The following SRF variants were observed in gnomAD, a reference collection of about 807,000 sequenced individuals.
The protein encoded by SRF is c-fos serum response element-binding transcription factor.
SRF carries 7 observed loss-of-function variants against 37.1 expected under a neutral mutation model. That is an observed-to-expected ratio of 0.19 (90% CI 0.11 to 0.35). The LOEUF is 0.35. SRF is among the 10% of genes least tolerant of loss of function. The probability of loss-of-function intolerance (pLI) is 1.00; values close to 1 mark genes in which losing one functional copy is unlikely to be tolerated. For synonymous variants in SRF, 285 were observed against 310.1 expected (o/e 0.92, Z 0.85); for missense variants, 395 against 694.4 (o/e 0.57, Z 4.85).
In SRF at chr6:43,172,365, C is replaced by A; in HGVS notation, c.513+196C>A. The A allele has an allele frequency of 1.0e-6, 1 of 985,200 alleles. No homozygotes were observed. Among genetic ancestry groups the A allele is most frequent in the Middle Eastern group, 5.2e-4 (1 of 1,914 alleles). The allele number at this position is 985,200 out of a possible 1,614,324, so 61.0% of individuals were successfully genotyped here. A position where few individuals can be genotyped will look rare whatever the true frequency, so the allele number is the denominator to read the frequency against. On this transcript the variant is annotated intron_variant, in intron 1 of 6. Transcript: ENST00000265354. This position sits in a 1 kb window ranked among gnomAD's most constrained non-coding sequence, Gnocchi z 5.7. ...GGGGAAATGTGGGGAGAGGGGAGAT[C>A]CCGCGAACGCTCGCAACCGTGGGGA... is the stretch of plus-strand genomic sequence containing the variant.
At position 43,180,656 on chromosome 6, in the gene SRF, A is replaced by T. The variant is rs1167201420; in HGVS notation, c.*1466A>T. On this transcript the variant is annotated 3_prime_UTR_variant, in exon 7 of 7. Transcript: ENST00000265354. ...GTAGACCTTGAGGGTGGGCCAGCAT[A>T]GGGGGGAGGGTCTTTTACCCTGTGT... The T allele has an allele frequency of 2.0e-5, 3 of 152,584 alleles. No homozygotes were observed. The highest frequency in any genetic ancestry group is 7.2e-5 in the African/African-American group (3 of 41,412). The allele number at this position is 152,584 out of a possible 1,614,324, so 9.5% of individuals were successfully genotyped here. A position where few individuals can be genotyped will look rare whatever the true frequency, so the allele number is the denominator to read the frequency against.
chr6:43,172,030 G>A lies in SRF; in HGVS notation c.374G>A (p.Gly125Glu). The A allele has an allele frequency of 4.4e-6, 7 of 1,597,628 alleles. No individual in the cohort carries two copies. The highest frequency in any genetic ancestry group is 6.0e-6 in the Non-Finnish European group (7 of 1,173,090). Reference protein sequence around the residue: ...EASAAATGGYGPVSGAVSGAK... With the variant: ...EASAAATGGYEPVSGAVSGAK... ...TCGGCAGCGGCCACCGGGGGCTACG[G>A]GCCGGTGAGCGGCGCGGTGAGCGGG... The change falls in exon 1 of 7, where the codon GGG (glycine) becomes GAG (glutamate). Residue 125 changes from glycine (G) to glutamate (E), a missense_variant. Around this residue, in one of 4 missense-constraint regions of SRF, gnomAD observed 134 missense variants for 204.5 expected, o/e 0.66. Transcript: ENST00000265354. The surrounding 1 kb of genome is among the most constrained non-coding windows in gnomAD (Gnocchi z 5.7).
Position 43,179,109 on chromosome 6 carries a change from G to A in SRF, c.1446G>A (p.Gly482=). Residue 482 remains glycine, a synonymous_variant, in exon 7 of 7, where the codon GGG becomes GGA. Transcript: ENST00000265354. The surrounding 1 kb of genome is among the most constrained non-coding windows in gnomAD (Gnocchi z 5.3). ...AVQLHQMAVI[G]QQAGSSSNLT... Reference sequence around the variant, plus strand: ...CTTCCCTCCAGATGGCTGTGATAGGGCAGCAGGCCGGGAGCAGCAGCAACC... The same window carrying A: ...CTTCCCTCCAGATGGCTGTGATAGGACAGCAGGCCGGGAGCAGCAGCAACC... The A allele has an allele frequency of 6.2e-7, 1 of 1,614,124 alleles. No individual in the cohort carries two copies. The highest frequency in any genetic ancestry group is 8.5e-7 in the Non-Finnish European group (1 of 1,179,968).
At position 43,175,745 on chromosome 6, in the gene SRF, G is replaced by A. The variant is rs1186247335; in HGVS notation, c.820G>A (p.Gly274Ser). ...GGCGTTCACAGTCACCAACCTGCCG[G>A]GTACAACCTCCACCATCCAAACAGC... ...KPAFTVTNLPGTTSTIQTAPS... is the reference protein window; with the variant it reads ...KPAFTVTNLPSTTSTIQTAPS... Residue 274 changes from glycine to serine, a missense_variant, in exon 3 of 7, where the codon GGT becomes AGT. Gly to Ser is a moderately conservative substitution (Grantham distance 56). Around this residue, in one of 4 missense-constraint regions of SRF, gnomAD observed 232 missense variants for 335.6 expected, o/e 0.69. Coordinates refer to ENST00000265354, the MANE Select transcript of SRF (RefSeq NM_003131.4). The A allele has an allele frequency of 6.2e-7, 1 of 1,614,174 alleles. No individual in the cohort carries two copies. The highest frequency in any genetic ancestry group is 2.2e-5 in the East Asian group (1 of 44,890).
rs2150494297 is a variant in SRF, at chr6:43,171,520, T to C, written c.-137T>C. The C allele has an allele frequency of 3.0e-6, 3 of 1,005,160 alleles. No homozygotes were observed. The highest frequency in any genetic ancestry group is 2.5e-6 in the Non-Finnish European group (2 of 797,272). 62.3% of individuals were successfully genotyped at this position (1,005,160 alleles called of 1,614,324 possible). On this transcript the variant is annotated 5_prime_UTR_variant, in exon 1 of 7. Coordinates refer to ENST00000265354, the MANE Select transcript of SRF (RefSeq NM_003131.4). The surrounding 1 kb of genome is among the most constrained non-coding windows in gnomAD (Gnocchi z 6.5). The stretch of plus-strand genomic sequence containing the variant: ...GCCCGGGCGTGCAGGGGCCCCGGGT[T>C]CGCAGCGGCGGCCGCGGCAGCGATA...
chr6:43,178,403 T>G lies in SRF; in HGVS notation c.1272T>G (p.Gly424=). The change falls in exon 5 of 7, where the codon GGT becomes GGG. Residue 424 remains glycine (G), a synonymous_variant. Coordinates refer to ENST00000265354, the MANE Select transcript of SRF (RefSeq NM_003131.4). The surrounding 1 kb of genome is among the most constrained non-coding windows in gnomAD (Gnocchi z 4.3). ...TGTATGCCCCCACCTCGGGCCTGGG[T>G]GATGGCAGCCTCACCGTGCTGAATG... ...AVMYAPTSGL[G]DGSLTVLNAF... 6.2e-7 allele frequency: 1 copy of G among 1,614,058 alleles called. No homozygotes were observed. Among genetic ancestry groups the G allele is most frequent in the Non-Finnish European group, 8.5e-7 (1 of 1,179,996 alleles).
rs758166629 is a variant in SRF, at chr6:43,175,905, G to A, written c.980G>A (p.Gly327Asp). 7 of 1,614,048 alleles carry A rather than the reference G, an allele frequency of 4.3e-6. No homozygotes were observed. The highest frequency in any genetic ancestry group is 5.9e-6 in the Non-Finnish European group (7 of 1,180,016). ...AATGGGACTGTGCTGAAGAGTACAG[G>A]CAGCGGCCCTGTCTCCTCTGGGGGC... ...SANGTVLKSTGSGPVSSGGLM... is the reference protein window; with the variant it reads ...SANGTVLKSTDSGPVSSGGLM... The change falls in exon 3 of 7, where the codon GGC becomes GAC. Residue 327 changes from glycine (G) to aspartate (D), a missense_variant. Transcript: ENST00000265354.
Position 43,176,443 on chromosome 6 carries a change from G to T in SRF, c.1043-105G>T, listed in dbSNP as rs992410682. The T allele has an allele frequency of 1.2e-5, 19 of 1,529,788 alleles. No individual in the cohort carries two copies. In the Admixed American group the frequency reaches 3.5e-4, roughly 28 times the overall value. 94.8% of individuals were successfully genotyped at this position (1,529,788 alleles called of 1,614,324 possible). ...GCTTCCAGGAAAGATAGTGATGGGAGTTGGAGACCAGTGTGCCAGACCCTG... is the reference window on the plus strand; with the variant it reads ...GCTTCCAGGAAAGATAGTGATGGGATTTGGAGACCAGTGTGCCAGACCCTG... On this transcript the variant is annotated intron_variant, in intron 3 of 6. Transcript: ENST00000265354. The surrounding 1 kb of genome is among the most constrained non-coding windows in gnomAD (Gnocchi z 4.0).
In SRF at chr6:43,171,847, C is replaced by T. The variant is rs1227813742; in HGVS notation, c.191C>T (p.Ala64Val). Reference protein sequence around the residue: ...GRLEREAAAAAATTPAPTAGA... With the variant: ...GRLEREAAAAVATTPAPTAGA... Reference sequence around the variant, plus strand: ...CTGGAGCGGGAGGCTGCGGCAGCGGCGGCAACCACCCCGGCGCCCACCGCG... The same window carrying T: ...CTGGAGCGGGAGGCTGCGGCAGCGGTGGCAACCACCCCGGCGCCCACCGCG... Residue 64 changes from alanine (A) to valine (V), a missense_variant, in exon 1 of 7, where the codon GCG (alanine) becomes GTG (valine). Ala to Val is a moderately conservative substitution (Grantham distance 64). Around this residue, in one of 4 missense-constraint regions of SRF, gnomAD observed 134 missense variants for 204.5 expected, o/e 0.66. Transcript: ENST00000265354. The surrounding 1 kb of genome is among the most constrained non-coding windows in gnomAD (Gnocchi z 6.5). The T allele has an allele frequency of 3.6e-5, 46 of 1,262,882 alleles. No individual in the cohort carries two copies. Among genetic ancestry groups the T allele is most frequent in the Middle Eastern group, 2.8e-4 (1 of 3,612 alleles). 78.2% of individuals were successfully genotyped at this position (1,262,882 alleles called of 1,614,324 possible).
Position 43,175,719 on chromosome 6 carries a change from C to A in SRF, c.794C>A (p.Pro265Gln). The change falls in exon 3 of 7, where the codon CCG (proline) becomes CAG (glutamine). Residue 265 changes from proline (P) to glutamine (Q), a missense_variant. Physicochemically the swap from Pro to Gln is moderately conservative, Grantham distance 76. Around this residue, in one of 4 missense-constraint regions of SRF, gnomAD observed 232 missense variants for 335.6 expected, o/e 0.69. Transcript: ENST00000265354. ...SSGETKDTLK[P>Q]AFTVTNLPGT... is the part of the protein sequence containing the mutation. ...CTCTGGGTATAGGACACACTGAAGC[C>A]GGCGTTCACAGTCACCAACCTGCCG... 1.2e-6 allele frequency: 2 copies of A among 1,614,134 alleles called. No individual in the cohort carries two copies. Among genetic ancestry groups the A allele is most frequent in the Non-Finnish European group, 1.7e-6 (2 of 1,180,030 alleles).
At chr6:43,177,091 G>T (rs1242962540) in intron 4 of SRF, among the ~76,000 whole-genome samples, 1 of 152,138 alleles carries the variant, frequency 6.6e-6, no homozygotes, top group African/African-American at 2.4e-5. Flanking sequence ...TCAAAGTAAG[G>T]TTAATTTTAA....
intron 2 of SRF, among the ~76,000 whole-genome samples, chr6:43,174,535 T>G (rs6902679): frequency 1.1e-4 from 16 of 152,294 alleles, no homozygotes; most frequent in African/African-American, 2.2e-4. Flanking sequence ...GGCCGGGGAC[T>G]ACCTTACAAG....
In SRF at chr6:43,172,351, G is replaced by A. The variant is rs1582251965; in HGVS notation, c.513+182G>A. 9 of 985,278 alleles carry A rather than the reference G, an allele frequency of 9.1e-6. No individual in the cohort carries two copies. The South Asian group carries it at 4.2e-4, about 46-fold the overall frequency. The allele number at this position is 985,278 out of a possible 1,614,324, so 61.0% of individuals were successfully genotyped here. On this transcript the variant is annotated intron_variant, in intron 1 of 6. Coordinates refer to ENST00000265354, the MANE Select transcript of SRF (RefSeq NM_003131.4). The surrounding 1 kb of genome is among the most constrained non-coding windows in gnomAD (Gnocchi z 5.7). Reference sequence around the variant, plus strand: ...GGGGAGGGGCCGCCGGGGAAATGTGGGGAGAGGGGAGATCCCGCGAACGCT... The same window carrying A: ...GGGGAGGGGCCGCCGGGGAAATGTGAGGAGAGGGGAGATCCCGCGAACGCT...
chr6:43,178,367 G>A lies in SRF; in HGVS notation c.1236G>A (p.Pro412=), dbSNP rs140883192. ...TVGGHMMYPS[P]HAVMYAPTSG... ...GTGGCCACATGATGTACCCTAGCCC[G>A]CATGCGGTGATGTATGCCCCCACCT... Residue 412 remains proline (P), a synonymous_variant, in exon 5 of 7, where the codon CCG becomes CCA. Transcript: ENST00000265354. The surrounding 1 kb of genome is among the most constrained non-coding windows in gnomAD (Gnocchi z 4.3). 2.2e-5 allele frequency: 36 copies of A among 1,613,844 alleles called. No homozygotes were observed. Among genetic ancestry groups the A allele is most frequent in the South Asian group, 4.4e-5 (4 of 91,088 alleles).
In SRF at chr6:43,172,524, A is replaced by G. The variant is rs1772128414; in HGVS notation, c.513+355A>G. The G allele has an allele frequency of 1.1e-6, 1 of 942,372 alleles. No homozygotes were observed. The highest frequency in any genetic ancestry group is 1.3e-6 in the Non-Finnish European group (1 of 790,730). 58.4% of individuals were successfully genotyped at this position (942,372 alleles called of 1,614,324 possible). On this transcript the variant is annotated intron_variant, in intron 1 of 6. Transcript: ENST00000265354. This position sits in a 1 kb window ranked among gnomAD's most constrained non-coding sequence, Gnocchi z 5.7. ...ATGAGAACCCGGGATCAGTAGGTCC[A>G]GTGCACTCCGGTGTTCGGACGAGGG...
rs920912629 is a variant in SRF at position 43,180,345 on chromosome 6, G to C, written c.*1155G>C. 1.3e-5 allele frequency: 2 copies of C among 152,466 alleles called. No homozygotes were observed. The highest frequency in any genetic ancestry group is 4.8e-5 in the African/African-American group (2 of 41,440). 9.4% of individuals were successfully genotyped at this position (152,466 alleles called of 1,614,324 possible). On this transcript the variant is annotated 3_prime_UTR_variant, in exon 7 of 7. Transcript: ENST00000265354. ...GGCATTGCAGCCTTGCGCTGTCCCA[G>C]GCATGCAGCTGCCTGGGGCCCAAGT...
At position 43,172,281 on chromosome 6, in the gene SRF, A is replaced by C; in HGVS notation, c.513+112A>C. On this transcript the variant is annotated intron_variant, in intron 1 of 6. Coordinates refer to ENST00000265354, the MANE Select transcript of SRF (RefSeq NM_003131.4). The surrounding 1 kb of genome is among the most constrained non-coding windows in gnomAD (Gnocchi z 5.7). ...CGGAGGTGAGAGGCTGCGAGTCCGC[A>C]GGAGGTGTGTGGGAGGGGATGGCTC... 2.2e-6 allele frequency: 3 copies of C among 1,333,646 alleles called. No individual in the cohort carries two copies. The highest frequency in any genetic ancestry group is 1.3e-5 in the South Asian group (1 of 74,880). The allele number at this position is 1,333,646 out of a possible 1,614,324, so 82.6% of individuals were successfully genotyped here. A position where few individuals can be genotyped will look rare whatever the true frequency, so the allele number is the denominator to read the frequency against.
rs947543859 is a variant in SRF at position 43,178,743 on chromosome 6, C to T, written c.1355-63C>T. On this transcript the variant is annotated intron_variant, in intron 5 of 6. Coordinates refer to ENST00000265354, the MANE Select transcript of SRF (RefSeq NM_003131.4). This position sits in a 1 kb window ranked among gnomAD's most constrained non-coding sequence, Gnocchi z 4.3. ...CCAGTCACTTGTGCATTTGACACCA[C>T]TCCTCCAATATCTGGAAGTTTCAAC... The T allele has an allele frequency of 1.3e-6, 2 of 1,551,982 alleles. No homozygotes were observed. The highest frequency in any genetic ancestry group is 2.7e-5 in the African/African-American group (2 of 73,654).
Position 43,171,940 on chromosome 6 carries a change from G to A in SRF, c.284G>A (p.Arg95Gln). ...GAGGAGGAGGAGCTGGGCGCCGAGC[G>A]GCGCGGCCTGAAGCGGAGCCTGAGC... Reference protein sequence around the residue: ...SGEEEELGAERRGLKRSLSEM... With the variant: ...SGEEEELGAEQRGLKRSLSEM... Residue 95 changes from arginine to glutamine, a missense_variant, in exon 1 of 7, where the codon CGG becomes CAG. Physicochemically the swap from Arg to Gln is conservative, Grantham distance 43. Transcript: ENST00000265354. This position sits in a 1 kb window ranked among gnomAD's most constrained non-coding sequence, Gnocchi z 6.5. 1 of 1,480,848 alleles carries A rather than the reference G, an allele frequency of 6.8e-7. No homozygotes were observed. Among genetic ancestry groups the A allele is most frequent in the South Asian group, 1.3e-5 (1 of 76,518 alleles). 91.7% of individuals were successfully genotyped at this position (1,480,848 alleles called of 1,614,324 possible). A position where few individuals can be genotyped will look rare whatever the true frequency, so the allele number is the denominator to read the frequency against.
Sources: gnomAD v4.1 joint callset for allele counts (sites outside exome capture counted in the v4.1 genomes callset) on GRCh38, gnomAD v4.1.1 for gene constraint, gnomAD v4.1.1 regional missense constraint, Gnocchi (gnomAD v3.1) non-coding constraint, MANE v1.5 for transcripts, NCBI Gene and HGNC (gene_info 2026-07-23, HGNC 2026-07-21) for gene names.